The following TP73 variants were observed in gnomAD, a reference collection of about 807,000 sequenced individuals.
TP73 encodes p53-like transcription factor.
A neutral mutation model predicts 62.5 loss-of-function variants in TP73; 25 were observed. The ratio of observed to expected loss-of-function variants is 0.40; its 90% CI spans 0.29 to 0.56. The LOEUF (loss-of-function observed/expected upper bound fraction) is 0.56, where lower values mean the gene tolerates loss of function less well. TP73 is among the 20% of genes least tolerant of loss of function. The pLI, the probability that TP73 is intolerant of heterozygous loss-of-function variation, is 0.46. For synonymous variants in TP73, 423 were observed against 377.5 expected, an observed-to-expected ratio of 1.12 and a Z score of -1.40; for missense variants, 754 against 913.3, an observed-to-expected ratio of 0.83 and a Z score of 2.25.
Position 3,732,831 on chromosome 1 carries a change from A to G in TP73, c.1663A>G (p.Ser555Gly). 6.2e-7 allele frequency: 1 copy of G among 1,611,710 alleles called. No homozygotes were observed. The highest frequency in any genetic ancestry group is 2.2e-5 in the East Asian group (1 of 44,850). The change falls in exon 14 of 14, where the codon AGC (serine) becomes GGC (glycine). Residue 555 changes from serine to glycine, a missense_variant. Coordinates refer to ENST00000378295, the MANE Select transcript of TP73 (RefSeq NM_005427.4). ...GGACCTGAAGCAGGGCCACGACTAC[A>G]GCACCGCGCAGCAGCTGCTCCGCTC... Reference protein sequence around the residue: ...LQDLKQGHDYSTAQQLLRSSN... With the variant: ...LQDLKQGHDYGTAQQLLRSSN...
rs982487582 is a variant in TP73, at chr1:3,701,517, T to G, written c.187-6032T>G. 6.6e-6 allele frequency among the ~76,000 whole-genome samples: 1 copy of G among 152,096 alleles called. No individual in the cohort carries two copies. The highest frequency in any genetic ancestry group is 2.4e-5 in the African/African-American group (1 of 41,404). ...GTCCACGTTGATTTCTTTTTTGGTTTTTTTCGAGACAGAGTCTTGCTCTGT... is the reference window on the plus strand; with the variant it reads ...GTCCACGTTGATTTCTTTTTTGGTTGTTTTCGAGACAGAGTCTTGCTCTGT... On this transcript the variant is annotated intron_variant, in intron 3 of 13. Coordinates refer to ENST00000378295, the MANE Select transcript of TP73 (RefSeq NM_005427.4). This position sits in a 1 kb window ranked among gnomAD's most constrained non-coding sequence, Gnocchi z 4.7.
intron 1 of TP73, among the ~76,000 whole-genome samples, chr1:3,653,720 AC>A (rs1170069345): frequency 2.6e-5 from 4 of 152,198 alleles, no homozygotes; most frequent in African/African-American, 9.7e-5. Flanking sequence ...GGAGGAGTAA[AC>A]AAAGCGCGTG....
At chr1:3,718,918 G>A (rs1640838998) in intron 4 of TP73, among the ~76,000 whole-genome samples, 4 of 152,160 alleles carry the variant, frequency 2.6e-5, no homozygotes. Flanking sequence ...GAATAACGAG[G>A]GCGCAGTAGC....
At position 3,666,818 on chromosome 1, in the gene TP73, A is replaced by AC. The variant is rs1332773440; in HGVS notation, c.-34+14182dup. On this transcript the variant is annotated intron_variant, in intron 1 of 13. Transcript: ENST00000378295. This position sits in a 1 kb window ranked among gnomAD's most constrained non-coding sequence, Gnocchi z 6.4. The stretch of plus-strand genomic sequence containing the variant: ...CTCTCCCAGGGCGGCTTTCAGACTG[A>AC]CCCCCAAACAGAGGGCTCAGAAAAG... Among the ~76,000 whole-genome samples the AC allele has an allele frequency of 6.6e-6, 1 of 151,840 alleles. No homozygotes were observed. The highest frequency in any genetic ancestry group is 6.6e-5 in the Admixed American group (1 of 15,230).
chr1:3,706,386 AATAGGG>A (rs1557542476), intron 3 of TP73, among the ~76,000 whole-genome samples: 3 of 130,702 alleles, frequency 2.3e-5, no homozygotes, highest in African/African-American at 5.9e-5. Flanking sequence ...GGAGGGGGGT[AATAGGG>A]ACAATCACGG....
intron 3 of TP73, among the ~76,000 whole-genome samples, chr1:3,686,608 C>T (rs1645663298): frequency 6.6e-6 from 1 of 152,106 alleles, no homozygotes; most frequent in Admixed American, 6.5e-5. Context: ...GCAGTTGAAC[C>T]CTCAGTGGGC....
intron 2 of TP73, among the ~76,000 whole-genome samples, chr1:3,682,723 G>A (rs574089639): frequency 7.2e-5 from 11 of 152,346 alleles, no homozygotes; most frequent in Admixed American, 3.3e-4. Context: ...GGGACAGGGC[G>A]GGTCGGAGGG....
chr1:3,677,690 CTTTT>C (rs1196146698), intron 1 of TP73, among the ~76,000 whole-genome samples: 1 of 137,318 alleles, frequency 7.3e-6, no homozygotes, highest in Non-Finnish European at 1.5e-5. Flanking sequence ...CCTTCCTTCC[CTTTT>C]TTTTTTTTTT....
chr1:3,657,287 C>T (rs1178899487), intron 1 of TP73, among the ~76,000 whole-genome samples: 1 of 152,184 alleles, frequency 6.6e-6, no homozygotes, highest in East Asian at 1.9e-4. Flanking sequence ...CTGGGGGCTG[C>T]CGGCCATCCT....
rs370630845 is a variant in TP73 at position 3,733,238 on chromosome 1, G to C, written c.*159G>C. ...ATCCCCAGGCACCTCACAGGCCCCA[G>C]GAAAGGCCCAGCCACCGAAGCCGCC... On this transcript the variant is annotated 3_prime_UTR_variant, in exon 14 of 14. Transcript: ENST00000378295. 409 of 903,874 alleles carry C rather than the reference G, an allele frequency of 4.5e-4. 3 individuals are homozygous for C. In the East Asian group the frequency reaches 0.01, roughly 23 times the overall value. 56.0% of individuals were successfully genotyped at this position (903,874 alleles called of 1,614,324 possible). A position where few individuals can be genotyped will look rare whatever the true frequency, so the allele number is the denominator to read the frequency against.
Position 3,682,404 on chromosome 1 carries a change from C to T in TP73, c.39C>T (p.Thr13=), listed in dbSNP as rs753030300. 1.3e-6 allele frequency: 2 copies of T among 1,564,050 alleles called. No individual in the cohort carries two copies. Among genetic ancestry groups the T allele is most frequent in the South Asian group, 1.2e-5 (1 of 85,212 alleles). The change falls in exon 2 of 14, where the codon ACC becomes ACT. Residue 13 remains threonine (T), a synonymous_variant. Transcript: ENST00000378295. ...QSTATSPDGG[T]TFEHLWSSLE... ...CCGCCACCTCCCCTGATGGGGGCAC[C>T]ACGTTTGAGCACCTCTGGAGCTCTC...
intron 3 of TP73, among the ~76,000 whole-genome samples, chr1:3,685,654 G>A (rs960129896): frequency 6.6e-6 from 1 of 152,228 alleles, no homozygotes; most frequent in Non-Finnish European, 1.5e-5. Flanking sequence ...GGGTGGGCTC[G>A]GGCAGCCTGG....
intron 1 of TP73, among the ~76,000 whole-genome samples, chr1:3,664,855 G>A (rs1475553302): frequency 2.0e-5 from 3 of 152,216 alleles, no homozygotes; most frequent in African/African-American, 7.2e-5. Context: ...CCTCTTTAGA[G>A]GCAGGTGATT....
chr1:3,723,445 C>T lies in TP73; in HGVS notation c.708C>T (p.Val236=), dbSNP rs771419405. Reference sequence around the variant, plus strand: ...ACCCTGTCACCGGCAGGCAGAGCGTCGTGGTGCCCTATGAGCCACCACAGG... The same window carrying T: ...ACCCTGTCACCGGCAGGCAGAGCGTTGTGGTGCCCTATGAGCCACCACAGG... ...VDDPVTGRQS[V]VVPYEPPQVG... The change falls in exon 6 of 14, where the codon GTC becomes GTT. Residue 236 remains valine (V), a synonymous_variant. Coordinates refer to ENST00000378295, the MANE Select transcript of TP73 (RefSeq NM_005427.4). 9 of 1,612,118 alleles carry T rather than the reference C, an allele frequency of 5.6e-6. No individual in the cohort carries two copies. Among genetic ancestry groups the T allele is most frequent in the South Asian group, 2.2e-5 (2 of 91,048 alleles).
At chr1:3,667,946 G>A (rs533080174) in intron 1 of TP73, among the ~76,000 whole-genome samples, 1 of 152,248 alleles carries the variant, frequency 6.6e-6, no homozygotes, top group East Asian at 1.9e-4. Flanking sequence ...TCCCCCCAGG[G>A]CTCATGGCCA....
chr1:3,728,147 C>A lies in TP73; in HGVS notation c.1004C>A (p.Pro335His). Residue 335 changes from proline (P) to histidine (H), a missense_variant, in exon 9 of 14, where the codon CCT (proline) becomes CAT (histidine). Pro to His is a moderately conservative substitution (Grantham distance 77). Transcript: ENST00000378295. The stretch of plus-strand genomic sequence containing the variant: ...CTTCCAGCCTTCAAGCAGAGCCCCC[C>A]TGCCGTCCCCGCCCTTGGTGCCGGT... Reference protein sequence around the residue: ...ASKRAFKQSPPAVPALGAGVK... With the variant: ...ASKRAFKQSPHAVPALGAGVK... The A allele has an allele frequency of 1.2e-6, 2 of 1,611,400 alleles. No individual in the cohort carries two copies. The highest frequency in any genetic ancestry group is 1.7e-6 in the Non-Finnish European group (2 of 1,179,922).
chr1:3,727,843 C>A, intron 8 of TP73, 73 bp downstream of exon 8: 1 of 1,456,446 alleles, frequency 6.9e-7, no homozygotes, highest in Non-Finnish European at 9.1e-7. Flanking sequence ...ACAATGTGAG[C>A]CCGCGTCCCA....
intron 5 of TP73, 47 bp from the exon 6 acceptor site, chr1:3,723,278 CTGGGCACCTCTCTGCACCTAGCACAGGGG>C (rs2124485247): frequency 1.6e-6 from 2 of 1,217,296 alleles, no homozygotes; most frequent in South Asian, 2.6e-5. Flanking sequence ...CGGCACAGGG[CTGGGCACCTCTCTGCACCTAGCACAGGGG>C]TGGGCACCTC....
chr1:3,661,136 T>C (rs1246040077), intron 1 of TP73, among the ~76,000 whole-genome samples: 1 of 152,228 alleles, frequency 6.6e-6, no homozygotes, highest in Non-Finnish European at 1.5e-5. Context: ...CAATTTTCCC[T>C]TTAACATTGG....
Sources: gnomAD v4.1 joint callset for allele counts (sites outside exome capture counted in the v4.1 genomes callset) on GRCh38, gnomAD v4.1.1 for gene constraint, Gnocchi (gnomAD v3.1) non-coding constraint, MANE v1.5 for transcripts, NCBI Gene and HGNC (gene_info 2026-07-23, HGNC 2026-07-21) for gene names.